UBE2H: variants seen among roughly 807,000 people sequenced by gnomAD.
UBE2H encodes the protein ubiquitin-conjugating enzyme E2 H.
UBE2H carries 3 observed loss-of-function variants against 29.0 expected under a neutral mutation model. That is an observed-to-expected ratio of 0.10 (90% CI 0.05 to 0.27). The LOEUF (loss-of-function observed/expected upper bound fraction) is 0.27, where lower values mean the gene tolerates loss of function less well. Ranked by LOEUF, UBE2H falls within the 10% of genes least tolerant of loss-of-function variation. UBE2H has a pLI of 1.00. For missense variants in UBE2H, 68 were observed against 228.2 expected (o/e 0.30, Z 4.52); for synonymous variants, 69 against 82.9 (o/e 0.83, Z 0.91).
intron 3 of UBE2H, among the ~76,000 whole-genome samples, chr7:129,873,638 A>G (rs1046598729): frequency 3.3e-4 from 50 of 151,130 alleles, no homozygotes; most frequent in Non-Finnish European, 1.5e-4. Flanking sequence ...GGGTTTCTCC[A>G]TATTGCTCAG....
intron 1 of UBE2H, among the ~76,000 whole-genome samples, chr7:129,918,942 G>C (rs1807098467): frequency 6.6e-6 from 1 of 151,938 alleles, no homozygotes; most frequent in African/African-American, 2.4e-5. Context: ...AATTTAGCCA[G>C]GTGTGGTAGT....
intron 3 of UBE2H, among the ~76,000 whole-genome samples, chr7:129,872,546 T>A (rs368768882): frequency 1.2e-3 from 184 of 151,530 alleles, no homozygotes; most frequent in African/African-American, 3.3e-3. Flanking sequence ...AGTAAAAAAA[T>A]ATATATATAT....
At chr7:129,839,455 G>A (rs896158080) in intron 5 of UBE2H, 120 bp from the exon 6 acceptor site, 2 of 1,352,982 alleles carry the variant, frequency 1.5e-6, no homozygotes, top group African/African-American at 1.5e-5. Context: ...TTCTCCATAC[G>A]AGTGTGCTCT....
chr7:129,944,096 C>T (rs1807703347), intron 1 of UBE2H, among the ~76,000 whole-genome samples: 1 of 152,102 alleles, frequency 6.6e-6, no homozygotes, highest in Admixed American at 6.6e-5. Flanking sequence ...GTGGCTCATG[C>T]CTGTAATCCC....
intron 3 of UBE2H, among the ~76,000 whole-genome samples, chr7:129,867,170 TTG>T (rs1805921113): frequency 6.6e-6 from 1 of 152,206 alleles, no homozygotes. Context: ...TATTTATTAT[TTG>T]TGTGACACAG....
intron 1 of UBE2H, among the ~76,000 whole-genome samples, chr7:129,928,946 G>A (rs1202824463): frequency 6.6e-6 from 1 of 152,158 alleles, no homozygotes; most frequent in Non-Finnish European, 1.5e-5. Flanking sequence ...TTGAAATAAA[G>A]ATAACTGCTT....
chr7:129,924,051 T>C (rs1196369606), intron 1 of UBE2H, among the ~76,000 whole-genome samples: 1 of 152,192 alleles, frequency 6.6e-6, no homozygotes, highest in Non-Finnish European at 1.5e-5. Flanking sequence ...GATAAGCAGA[T>C]TATGAACACT....
At chr7:129,897,130 TG>T in intron 1 of UBE2H, among the ~76,000 whole-genome samples, 1 of 151,984 alleles carries the variant, frequency 6.6e-6, no homozygotes, top group East Asian at 1.9e-4. Context: ...AACCAGACCA[TG>T]CCTCATCTTC....
intron 1 of UBE2H, among the ~76,000 whole-genome samples, chr7:129,921,359 C>CT (rs1403869004): frequency 6.6e-6 from 1 of 152,068 alleles, no homozygotes; most frequent in Admixed American, 6.6e-5. Flanking sequence ...CTCAAGCAAA[C>CT]TTTTTAAAAT....
chr7:129,844,856 C>A (rs1805485340), intron 5 of UBE2H, among the ~76,000 whole-genome samples: 1 of 152,192 alleles, frequency 6.6e-6, no homozygotes, highest in Admixed American at 6.5e-5. Flanking sequence ...AGGCTGGGCA[C>A]AGTGGCTCAT....
chr7:129,887,124 A>G (rs1028999077), intron 1 of UBE2H, among the ~76,000 whole-genome samples: 8 of 152,154 alleles, frequency 5.3e-5, no homozygotes, highest in Non-Finnish European at 1.0e-4. Context: ...CATAGTTATC[A>G]TCAAAAGTTT....
chr7:129,930,118 T>C (rs1807357744), intron 1 of UBE2H, among the ~76,000 whole-genome samples: 1 of 152,218 alleles, frequency 6.6e-6, no homozygotes, highest in Non-Finnish European at 1.5e-5. Context: ...ATACATTTGT[T>C]AGGAGTAGTA....
intron 6 of UBE2H, 147 bp downstream of exon 6, chr7:129,839,060 G>A (rs1224679494): frequency 1.7e-6 from 2 of 1,169,976 alleles, no homozygotes; most frequent in African/African-American, 3.1e-5. Context: ...ACCCGAGGTT[G>A]GTGAGCACTA....
At chr7:129,948,096 G>A (rs188672364) in intron 1 of UBE2H, among the ~76,000 whole-genome samples, 1 of 152,126 alleles carries the variant, frequency 6.6e-6, no homozygotes, top group East Asian at 1.9e-4. Context: ...CTGACCTCAG[G>A]TGATCTGCCC....
chr7:129,909,677 G>A (rs903243805), intron 1 of UBE2H, among the ~76,000 whole-genome samples: 1 of 152,016 alleles, frequency 6.6e-6, no homozygotes, highest in Non-Finnish European at 1.5e-5. Flanking sequence ...ACAACATAAT[G>A]AGACCCTGTC....
chr7:129,948,608 G>T (rs1395783253), intron 1 of UBE2H, among the ~76,000 whole-genome samples: 8 of 152,102 alleles, frequency 5.3e-5, no homozygotes, highest in Non-Finnish European at 4.4e-5. Context: ...GAGGCCAGGA[G>T]TTGGGAGGCC....
rs546817827 is a variant in UBE2H at position 129,929,003 on chromosome 7, G to C, written c.53+23500C>G. Among the ~76,000 whole-genome samples, 6 of 152,252 alleles carry C rather than the reference G, an allele frequency of 3.9e-5. No individual in the cohort carries two copies. In the East Asian group the frequency reaches 1.2e-3, roughly 29 times the overall value. On this transcript the variant is annotated intron_variant, in intron 1 of 6. Transcript: ENST00000355621. Reference sequence around the variant, plus strand: ...ATGAGTGCACTGTCAATTGCCCAGAGTCAATTAAGTGCCTGATAAGAGTAA... The same window carrying C: ...ATGAGTGCACTGTCAATTGCCCAGACTCAATTAAGTGCCTGATAAGAGTAA...
At chr7:129,840,569 C>T (rs1805410889) in intron 5 of UBE2H, among the ~76,000 whole-genome samples, 1 of 152,112 alleles carries the variant, frequency 6.6e-6, no homozygotes, top group Non-Finnish European at 1.5e-5. Context: ...TTTAGAAAAG[C>T]AGGCCCTGAG....
intron 3 of UBE2H, among the ~76,000 whole-genome samples, chr7:129,864,407 A>G (rs1446970663): frequency 1.3e-5 from 2 of 152,218 alleles, no homozygotes; most frequent in Admixed American, 6.5e-5. Flanking sequence ...ACTTGTTTCC[A>G]TTAGACCAGG....
Sources: allele counts gnomAD v4.1 joint callset (sites outside exome capture counted in the v4.1 genomes callset), GRCh38; gene constraint gnomAD v4.1.1; transcripts MANE v1.5; gene names NCBI Gene and HGNC (gene_info 2026-07-23, HGNC 2026-07-21).